Variants in THADA observed in about 807,000 individuals in gnomAD.
THADA encodes THADA armadillo repeat containing.
Under a neutral mutation model 219.8 loss-of-function variants are expected in THADA, and 213 were observed. The observed-to-expected ratio is 0.97, with a 90% CI of 0.87 to 1.09. THADA has a LOEUF of 1.09. Among genes scored for constraint, THADA ranks in the 50% least tolerant of loss-of-function variants. THADA has a pLI of 0.00. For synonymous variants in THADA, 1,018 were observed against 828.9 expected, an observed-to-expected ratio of 1.23 and a Z score of -3.92; for missense variants, 2,956 against 2,311.3, an observed-to-expected ratio of 1.28 and a Z score of -5.72.
chr2:43,382,771 C>T (rs775814614), intron 29 of THADA, among the ~76,000 whole-genome samples: 1 of 152,270 alleles, frequency 6.6e-6, no homozygotes, highest in South Asian at 2.1e-4. Flanking sequence ...TTTTGACACA[C>T]TGCTTATAAA....
chr2:43,498,234 G>C (rs891167891), intron 25 of THADA, among the ~76,000 whole-genome samples: 8 of 152,134 alleles, frequency 5.3e-5, no homozygotes, highest in Admixed American at 6.5e-5. Context: ...AGGGAGATGA[G>C]AGATGGGAGT....
At chr2:43,512,733 C>T (rs918087323) in intron 22 of THADA, among the ~76,000 whole-genome samples, 2 of 152,200 alleles carry the variant, frequency 1.3e-5, no homozygotes, top group Non-Finnish European at 2.9e-5. Context: ...AACTCCCAAC[C>T]TCAGGTGATC....
intron 20 of THADA, among the ~76,000 whole-genome samples, chr2:43,546,049 G>T (rs1400208621): frequency 6.7e-6 from 1 of 149,306 alleles, no homozygotes; most frequent in Non-Finnish European, 1.5e-5. Flanking sequence ...CTTTGAATGT[G>T]TCCGAGAGAT....
intron 36 of THADA, among the ~76,000 whole-genome samples, chr2:43,271,599 T>C (rs943835633): frequency 1.4e-5 from 2 of 147,526 alleles, no homozygotes; most frequent in African/African-American, 5.0e-5. Flanking sequence ...ACAAAAATCC[T>C]ACACTCTTGG....
intron 26 of THADA, among the ~76,000 whole-genome samples, chr2:43,434,914 A>C (rs899992433): frequency 7.2e-5 from 11 of 152,076 alleles, no homozygotes; most frequent in Non-Finnish European, 1.5e-4. Flanking sequence ...ACACACACCC[A>C]CTGGGGCTTC....
intron 8 of THADA, among the ~76,000 whole-genome samples, chr2:43,580,646 G>A (rs1425793580): frequency 1.3e-5 from 2 of 151,938 alleles, no homozygotes; most frequent in East Asian, 2.0e-4. Context: ...AGGCCAAGGC[G>A]GGCAGATCAC....
chr2:43,482,535 G>C (rs1354633020), intron 26 of THADA, among the ~76,000 whole-genome samples: 5 of 152,130 alleles, frequency 3.3e-5, no homozygotes, highest in Non-Finnish European at 7.4e-5. Flanking sequence ...CCAAAGCCCA[G>C]AGAGGTTGGC....
chr2:43,593,411 C>T (rs542415725), intron 1 of THADA, among the ~76,000 whole-genome samples: 2 of 152,166 alleles, frequency 1.3e-5, no homozygotes, highest in African/African-American at 4.8e-5. Flanking sequence ...GGCCAGGTGA[C>T]ATGTAGAGCA....
intron 26 of THADA, among the ~76,000 whole-genome samples, chr2:43,448,121 A>AGAATTCTC (rs1241539881): frequency 3.9e-5 from 6 of 152,264 alleles, no homozygotes; most frequent in Non-Finnish European, 7.3e-5. Context: ...AACCAGTGAA[A>AGAATTCTC]GAATTCTCGA....
rs200036949 is a variant in THADA, at chr2:43,245,172, C to CTTTTTTTTTTTTTTTTT, written c.5297-12307_5297-12291dup. ...TACTGGAGCTTCTTTCTTTCTTCTT[C>CTTTTTTTTTTTTTTTTT]TTTTTTTTTTTTTTTTTTGAGACGG... On this transcript the variant is annotated intron_variant, in intron 36 of 37. Coordinates refer to ENST00000405975, the MANE Select transcript of THADA (RefSeq NM_022065.5). 4.6e-3 allele frequency among the ~76,000 whole-genome samples: 478 copies of CTTTTTTTTTTTTTTTTT among 103,050 alleles called. 66 individuals carry two copies. The highest frequency in any genetic ancestry group is 0.014 in the African/African-American group (290 of 20,004). The allele number at this position is 103,050 out of a possible 152,430, so 67.6% of individuals were successfully genotyped here.
At chr2:43,349,844 G>C (rs550589418) in intron 29 of THADA, among the ~76,000 whole-genome samples, 1 of 152,202 alleles carries the variant, frequency 6.6e-6, no homozygotes, top group East Asian at 1.9e-4. Flanking sequence ...TTTTTCCCTT[G>C]CTGCATGCAG....
chr2:43,478,489 C>T (rs926050590), intron 26 of THADA, among the ~76,000 whole-genome samples: 1 of 152,138 alleles, frequency 6.6e-6, no homozygotes, highest in South Asian at 2.1e-4. Context: ...GCAATCCTGA[C>T]GTCTTAAATT....
At chr2:43,261,937 A>T (rs1671001225) in intron 36 of THADA, among the ~76,000 whole-genome samples, 1 of 151,570 alleles carries the variant, frequency 6.6e-6, no homozygotes. Context: ...GCGCCTGGCA[A>T]TTTTTTGTAT....
At chr2:43,500,430 A>C in intron 24 of THADA, among the ~76,000 whole-genome samples, 1 of 152,210 alleles carries the variant, frequency 6.6e-6, no homozygotes, top group South Asian at 2.1e-4. Context: ...GCATATTTAA[A>C]AAGACAGGAC....
intron 36 of THADA, among the ~76,000 whole-genome samples, chr2:43,237,019 C>T (rs974765621): frequency 2.7e-5 from 4 of 149,354 alleles, no homozygotes; most frequent in African/African-American, 9.9e-5. Flanking sequence ...TTGCAGTGAG[C>T]CGAGATCGCG....
chr2:43,428,434 C>T (rs1678787226), intron 27 of THADA, among the ~76,000 whole-genome samples: 2 of 152,246 alleles, frequency 1.3e-5, no homozygotes, highest in Admixed American at 6.5e-5. Flanking sequence ...ACAGTAAAAC[C>T]TCATCTCTAC....
intron 29 of THADA, among the ~76,000 whole-genome samples, chr2:43,353,680 G>C (rs185247031): frequency 6.6e-6 from 1 of 152,012 alleles, no homozygotes; most frequent in South Asian, 2.1e-4. Flanking sequence ...TATTGAGATG[G>C]AGTCTTGCTC....
At chr2:43,259,747 G>T (rs984156956) in intron 36 of THADA, among the ~76,000 whole-genome samples, 1 of 152,028 alleles carries the variant, frequency 6.6e-6, no homozygotes, top group East Asian at 1.9e-4. Context: ...TGAATATTTA[G>T]GTTATTCCTT....
At chr2:43,556,781 C>T (rs954167547) in intron 16 of THADA, among the ~76,000 whole-genome samples, 2 of 151,994 alleles carry the variant, frequency 1.3e-5, no homozygotes, top group Admixed American at 6.6e-5. Context: ...ACAAAAAACA[C>T]AGGCTTGGTG....
Sources: allele counts gnomAD v4.1 joint callset (sites outside exome capture counted in the v4.1 genomes callset), GRCh38; gene constraint gnomAD v4.1.1; transcripts MANE v1.5; gene names NCBI Gene and HGNC (gene_info 2026-07-23, HGNC 2026-07-21).